Variants in SLC20A2 observed in about 807,000 individuals in gnomAD.
SLC20A2 encodes the protein solute carrier family 20 member 2.
In SLC20A2, 30 loss-of-function variants were observed where a neutral mutation model predicts 61.0. That is an observed-to-expected ratio of 0.49 (90% CI 0.37 to 0.67). The LOEUF (loss-of-function observed/expected upper bound fraction) is 0.67. Among genes scored for constraint, SLC20A2 ranks in the 30% least tolerant of loss-of-function variants. The pLI is 0.00. For synonymous variants in SLC20A2, 351 were observed against 353.3 expected, an observed-to-expected ratio of 0.99 and a Z score of 0.07; for missense variants, 626 against 866.4, an observed-to-expected ratio of 0.72 and a Z score of 3.48.
intron 1 of SLC20A2, among the ~76,000 whole-genome samples, chr8:42,517,984 A>G (rs1169320713): frequency 6.6e-6 from 1 of 152,210 alleles, no homozygotes; most frequent in Admixed American, 6.5e-5. Context: ...TCTGTCACCC[A>G]GGCTGGAGCG....
At chr8:42,463,416 T>C (rs766889930) in intron 3 of SLC20A2, 2 of 188,542 alleles carry the variant, frequency 1.1e-5, no homozygotes, top group Non-Finnish European at 2.2e-5. Flanking sequence ...TGCCTGCCCT[T>C]CTTATCAACA....
In SLC20A2 at chr8:42,533,654, C is replaced by CTTTTTTTCTTTTTTTT. The variant is rs1253260874; in HGVS notation, c.-265+8166_-265+8167insAAAAAAAAGAAAAAAA. On this transcript the variant is annotated intron_variant, in intron 1 of 10. Coordinates refer to the SLC20A2 transcript ENST00000342228. ...TTAATGGCCTTAATGATCAACTGTT[C>CTTTTTTTCTTTTTTTT]TTTTTTTTTTTTTTTTTTTTTTGAG... Among the ~76,000 whole-genome samples, 12 of 55,290 alleles carry CTTTTTTTCTTTTTTTT rather than the reference C, an allele frequency of 2.2e-4. 2 individuals are homozygous for CTTTTTTTCTTTTTTTT. Among genetic ancestry groups the CTTTTTTTCTTTTTTTT allele is most frequent in the African/African-American group, 5.7e-4 (7 of 12,382 alleles). 36.3% of individuals were successfully genotyped at this position (55,290 alleles called of 152,430 possible).
chr8:42,430,120 C>G lies in SLC20A2; in HGVS notation c.1653G>C (p.Trp551Cys). 1.2e-6 allele frequency: 2 copies of G among 1,613,896 alleles called. No individual in the cohort carries two copies. Among genetic ancestry groups the G allele is most frequent in the Middle Eastern group, 1.7e-4 (1 of 5,992 alleles). The change falls in exon 9 of 11, where the codon TGG becomes TGC. Residue 551 changes from tryptophan to cysteine, a missense_variant. By Grantham distance (215) the Trp-to-Cys change is radical. Coordinates refer to ENST00000520262, the MANE Select transcript of SLC20A2 (RefSeq NM_001257180.2). ...CCATGGTCTGGATCACTCTTCTCCC[C>G]CAGACCCAGAGGCCTGTGCAGATTC... is the stretch of plus-strand genomic sequence containing the variant. ...GVGICTGLWVWGRRVIQTMGK... is the reference protein window; with the variant it reads ...GVGICTGLWVCGRRVIQTMGK...
chr8:42,495,907 G>A (rs1185928342), intron 1 of SLC20A2, among the ~76,000 whole-genome samples: 24 of 151,808 alleles, frequency 1.6e-4, no homozygotes, highest in African/African-American at 4.4e-4. Flanking sequence ...GCGCCACCAC[G>A]CCCGGCTAAT....
intron 1 of SLC20A2, among the ~76,000 whole-genome samples, chr8:42,533,849 G>A (rs560795927): frequency 5.3e-5 from 8 of 150,642 alleles, no homozygotes; most frequent in African/African-American, 1.2e-4. Flanking sequence ...AGTGGAGACG[G>A]GGGTTTCACT....
chr8:42,467,791 C>A (rs1033925466), intron 2 of SLC20A2, among the ~76,000 whole-genome samples: 4 of 152,238 alleles, frequency 2.6e-5, no homozygotes, highest in Non-Finnish European at 5.9e-5. Flanking sequence ...CCCGCGGACA[C>A]CTCCTTAAGC....
At chr8:42,470,580 A>G (rs374788807) in intron 2 of SLC20A2, among the ~76,000 whole-genome samples, 9 of 152,212 alleles carry the variant, frequency 5.9e-5, no homozygotes, top group African/African-American at 1.9e-4. Context: ...TGAATATGCA[A>G]TTCCTTAGTA....
intron 3 of SLC20A2, among the ~76,000 whole-genome samples, chr8:42,464,301 T>G (rs1376844117): frequency 6.8e-6 from 1 of 147,566 alleles, no homozygotes; most frequent in Non-Finnish European, 1.5e-5. Context: ...TTTTTTTTTG[T>G]TGTAAAGATG....
intron 8 of SLC20A2, among the ~76,000 whole-genome samples, chr8:42,434,795 C>T (rs892432781): frequency 3.9e-5 from 6 of 152,138 alleles, no homozygotes; most frequent in African/African-American, 1.2e-4. Flanking sequence ...AGCAACTCTT[C>T]GCAATTCTAC....
chr8:42,436,331 C>G (rs148086472), intron 8 of SLC20A2, among the ~76,000 whole-genome samples: 1 of 152,144 alleles, frequency 6.6e-6, no homozygotes, highest in African/African-American at 2.4e-5. Flanking sequence ...ATAGCAGCAT[C>G]GCGCCCTGGC....
chr8:42,438,373 G>C (rs1450054999), intron 7 of SLC20A2, among the ~76,000 whole-genome samples: 1 of 152,120 alleles, frequency 6.6e-6, no homozygotes, highest in African/African-American at 2.4e-5. Context: ...GAGTGCAGTG[G>C]TGCAATCATA....
rs1037848827 is a variant in SLC20A2 at position 42,534,326 on chromosome 8, G to A, written c.-265+7495C>T. Among the ~76,000 whole-genome samples the A allele has an allele frequency of 5.3e-5, 8 of 151,798 alleles. 1 individual carries two copies. The highest frequency in any genetic ancestry group is 6.3e-3 in the Middle Eastern group (2 of 316). ...GGAAAGAAGAGGTAACACTGACATC[G>A]ATATTGCTAAAAAAGAAGCTTAATG... On this transcript the variant is annotated intron_variant, in intron 1 of 10. Coordinates refer to the SLC20A2 transcript ENST00000342228.
At chr8:42,443,729 A>G (rs1379990780) in intron 6 of SLC20A2, among the ~76,000 whole-genome samples, 1 of 152,146 alleles carries the variant, frequency 6.6e-6, no homozygotes, top group African/African-American at 2.4e-5. Context: ...CATGTCCCTG[A>G]TAAGTTCCTG....
chr8:42,475,457 T>A (rs1464712583), intron 1 of SLC20A2, among the ~76,000 whole-genome samples: 1 of 152,058 alleles, frequency 6.6e-6, no homozygotes, highest in African/African-American at 2.4e-5. Flanking sequence ...TCACCCAGGC[T>A]GGAGTGCAGT....
chr8:42,444,839 C>T, intron 5 of SLC20A2, 77 bp from the exon 6 acceptor site: 1 of 939,524 alleles, frequency 1.1e-6, no homozygotes, highest in Non-Finnish European at 1.7e-6. Context: ...GGACTTCCCA[C>T]TCCCCAAATC....
chr8:42,463,140 T>C (rs1408919180), intron 3 of SLC20A2, 50 bp from the exon 4 acceptor site: 2 of 1,052,310 alleles, frequency 1.9e-6, no homozygotes, highest in African/African-American at 3.2e-5. Context: ...CATTCATAAT[T>C]ATGGTCCTAT....
rs151184581 is a variant in SLC20A2, at chr8:42,466,517, C to G, written c.290-600G>C. On this transcript the variant is annotated intron_variant, in intron 2 of 10. Transcript: ENST00000520262. The stretch of plus-strand genomic sequence containing the variant: ...AAAACCAAGCAAGAGATTAAAGTCT[C>G]GAATGAACACAGAAAGACTAGAAAG... Among the ~76,000 whole-genome samples, 556 of 152,026 alleles carry G rather than the reference C, an allele frequency of 3.7e-3. 3 individuals carry two copies. Among genetic ancestry groups the G allele is most frequent in the African/African-American group, 0.013 (530 of 41,450 alleles).
intron 6 of SLC20A2, among the ~76,000 whole-genome samples, chr8:42,441,394 C>T (rs557927736): frequency 3.3e-5 from 5 of 150,406 alleles, no homozygotes; most frequent in Non-Finnish European, 5.9e-5. Flanking sequence ...CCTCATGATC[C>T]GCCCACCTCG....
chr8:42,512,676 G>C (rs1275346768), intron 1 of SLC20A2, among the ~76,000 whole-genome samples: 1 of 152,060 alleles, frequency 6.6e-6, no homozygotes, highest in Non-Finnish European at 1.5e-5. Context: ...CAATAAGATG[G>C]ATAAAAATGT....
Sources: allele counts gnomAD v4.1 joint callset (sites outside exome capture counted in the v4.1 genomes callset), GRCh38; gene constraint gnomAD v4.1.1; transcripts MANE v1.5; gene names NCBI Gene and HGNC (gene_info 2026-07-23, HGNC 2026-07-21).